Variants in GABRB1 observed in about 807,000 individuals in gnomAD.
The protein encoded by GABRB1 is gamma-aminobutyric acid receptor subunit beta-1.
A neutral mutation model predicts 51.6 loss-of-function variants in GABRB1; 17 were observed. The ratio of observed to expected loss-of-function variants is 0.33; its 90% CI spans 0.23 to 0.49. The LOEUF (loss-of-function observed/expected upper bound fraction) is 0.49. Among genes scored for constraint, GABRB1 ranks in the 20% least tolerant of loss-of-function variants. GABRB1 has a pLI of 0.99. For missense variants in GABRB1, 410 were observed against 600.6 expected (o/e 0.68, Z 3.32); for synonymous variants, 247 against 218.9 (o/e 1.13, Z -1.14).
At chr4:47,333,221 TATATATATATATATAC>T (rs201179139) in intron 5 of GABRB1, among the ~76,000 whole-genome samples, 20,324 of 69,286 alleles carry the variant, frequency 0.29, 2,036 homozygotes, top group South Asian at 0.38. Context: ...TATATATATA[TATATATATATATATAC>T]ACACCACGTA....
intron 5 of GABRB1, among the ~76,000 whole-genome samples, chr4:47,380,670 C>G (rs1052181236): frequency 1.4e-4 from 21 of 152,158 alleles, no homozygotes; most frequent in African/African-American, 5.1e-4. Context: ...TCTTAAAACC[C>G]TAGATATATT....
chr4:47,003,579 T>C (rs746715352), intron 1 of GABRB1, among the ~76,000 whole-genome samples: 3 of 152,222 alleles, frequency 2.0e-5, no homozygotes, highest in Admixed American at 6.5e-5. Context: ...TAAATGTCCA[T>C]ATTGACATTC....
chr4:47,019,193 C>A (rs1156621044), intron 1 of GABRB1, among the ~76,000 whole-genome samples: 2 of 152,104 alleles, frequency 1.3e-5, no homozygotes, highest in African/African-American at 4.8e-5. Context: ...AATCTATCAA[C>A]AATTTTTCCT....
intron 3 of GABRB1, among the ~76,000 whole-genome samples, chr4:47,155,758 T>C (rs1717663915): frequency 6.6e-6 from 1 of 151,600 alleles, no homozygotes; most frequent in Admixed American, 6.6e-5. Flanking sequence ...TATGGTAAAA[T>C]AGCAAATTAG....
chr4:47,338,420 GCGTTTTAGACTATTAGAAATTAGAT>G (rs1560340258), intron 5 of GABRB1, among the ~76,000 whole-genome samples: 1 of 152,156 alleles, frequency 6.6e-6, no homozygotes, highest in Non-Finnish European at 1.5e-5. Flanking sequence ...CCATTCTCAA[GCGTTTTAGACTATTAGAAATTAGAT>G]CATTGACCAG....
intron 4 of GABRB1, among the ~76,000 whole-genome samples, chr4:47,298,049 G>C (rs1318324148): frequency 2.0e-5 from 3 of 152,158 alleles, no homozygotes; most frequent in Non-Finnish European, 4.4e-5. Context: ...AACGCTTCAT[G>C]CTAAAAACTC....
intron 4 of GABRB1, among the ~76,000 whole-genome samples, chr4:47,173,151 T>A (rs1418480530): frequency 6.6e-6 from 1 of 152,178 alleles, no homozygotes; most frequent in Non-Finnish European, 1.5e-5. Flanking sequence ...TAAAGTTGTA[T>A]AAAGTTGCTT....
chr4:47,388,560 TCTG>T (rs1399504630), intron 5 of GABRB1, among the ~76,000 whole-genome samples: 5 of 152,194 alleles, frequency 3.3e-5, no homozygotes, highest in African/African-American at 1.2e-4. Flanking sequence ...TACGTCCAAA[TCTG>T]CTGCTGCTTA....
At chr4:47,328,481 G>A (rs541362079) in intron 5 of GABRB1, among the ~76,000 whole-genome samples, 65 of 152,126 alleles carry the variant, frequency 4.3e-4, no homozygotes, top group African/African-American at 9.2e-4. Context: ...TGTTTATTGC[G>A]GCACTATTCA....
chr4:47,402,495 G>A (rs1184063129), intron 5 of GABRB1, among the ~76,000 whole-genome samples: 1 of 152,116 alleles, frequency 6.6e-6, no homozygotes, highest in Non-Finnish European at 1.5e-5. Context: ...AAATGTATCT[G>A]TACATTCTTC....
chr4:47,274,418 C>T (rs1178935957), intron 4 of GABRB1, among the ~76,000 whole-genome samples: 2 of 152,088 alleles, frequency 1.3e-5, no homozygotes, highest in East Asian at 1.9e-4. Flanking sequence ...TCTGGAATCT[C>T]ACAATTATTT....
intron 3 of GABRB1, among the ~76,000 whole-genome samples, chr4:47,049,018 G>C (rs1427097205): frequency 6.6e-6 from 1 of 150,604 alleles, no homozygotes; most frequent in Admixed American, 6.6e-5. Context: ...TAGGGTTACT[G>C]TCATAGACAG....
chr4:47,019,629 T>TCTCTCTC (rs1560498125), intron 1 of GABRB1, among the ~76,000 whole-genome samples: 13 of 29,408 alleles, frequency 4.4e-4, no homozygotes, highest in Admixed American at 1.0e-3. Context: ...TTCTCTCTCT[T>TCTCTCTC]TCTTTCTTTC....
chr4:47,261,446 C>G (rs1722433647), intron 4 of GABRB1, among the ~76,000 whole-genome samples: 1 of 152,110 alleles, frequency 6.6e-6, no homozygotes, highest in Admixed American at 6.6e-5. Context: ...TTCACAATTG[C>G]TTCAAAGAGA....
chr4:47,051,054 C>G (rs1258103066), intron 3 of GABRB1, among the ~76,000 whole-genome samples: 3 of 152,034 alleles, frequency 2.0e-5, no homozygotes, highest in African/African-American at 7.3e-5. Flanking sequence ...TAAAACTCAT[C>G]AAAACTGCTC....
At chr4:47,203,322 G>A (rs565409820) in intron 4 of GABRB1, among the ~76,000 whole-genome samples, 4 of 152,210 alleles carry the variant, frequency 2.6e-5, no homozygotes, top group South Asian at 4.1e-4. Flanking sequence ...GTCGTTCAAC[G>A]TGTAAAGCCA....
chr4:47,054,713 G>C (rs1726513030), intron 3 of GABRB1, among the ~76,000 whole-genome samples: 1 of 152,020 alleles, frequency 6.6e-6, no homozygotes, highest in Non-Finnish European at 1.5e-5. Flanking sequence ...CTCCTGAGTA[G>C]CTAGAATTAC....
intron 4 of GABRB1, among the ~76,000 whole-genome samples, chr4:47,282,495 A>T (rs542457617): frequency 6.6e-6 from 1 of 152,208 alleles, no homozygotes; most frequent in South Asian, 2.1e-4. Context: ...TAGTTGTAGT[A>T]GCACATAACT....
chr4:47,188,532 T>A (rs1018110026), intron 4 of GABRB1, among the ~76,000 whole-genome samples: 1 of 151,938 alleles, frequency 6.6e-6, no homozygotes, highest in African/African-American at 2.4e-5. Flanking sequence ...GAAATTCTTA[T>A]ATATAAAAAC....
Sources: allele counts gnomAD v4.1 joint callset (sites outside exome capture counted in the v4.1 genomes callset), GRCh38; gene constraint gnomAD v4.1.1; transcripts MANE v1.5; gene names NCBI Gene and HGNC (gene_info 2026-07-23, HGNC 2026-07-21).